Variants in SLC25A15 observed in about 807,000 individuals in gnomAD.
SLC25A15 encodes solute carrier family 25 member 15.
In SLC25A15, 24 loss-of-function variants were observed where a neutral mutation model predicts 32.3. The ratio of observed to expected loss-of-function variants is 0.74; its 90% CI spans 0.54 to 1.04. SLC25A15 has a LOEUF of 1.04. Ranked by LOEUF, SLC25A15 falls within the 50% of genes least tolerant of loss-of-function variation. SLC25A15 has a pLI of 0.00. For missense variants in SLC25A15, 317 were observed against 374.5 expected, an observed-to-expected ratio of 0.85 and a Z score of 1.27; for synonymous variants, 132 against 142.1, an observed-to-expected ratio of 0.93 and a Z score of 0.51.
Position 40,799,114 on chromosome 13 carries a change from A to C in SLC25A15, c.113A>C (p.Gln38Pro). The C allele has an allele frequency of 6.2e-7, 1 of 1,614,192 alleles. No homozygotes were observed. Among genetic ancestry groups the C allele is most frequent in the South Asian group, 1.1e-5 (1 of 91,078 alleles). Residue 38 changes from glutamine to proline, a missense_variant, in exon 3 of 7, where the codon CAG becomes CCG. Transcript: ENST00000338625. ...QPFDTMKVKM[Q>P]TFPDLYRGLT... ...TTTGACACAATGAAAGTGAAGATGC[A>C]GACGTTCCCTGACCTGTACCGGGGC... is the stretch of plus-strand genomic sequence containing the variant.
At position 40,810,024 on chromosome 13, in the gene SLC25A15, A is replaced by T. The variant is rs1882380389; in HGVS notation, c.*357A>T. On this transcript the variant is annotated 3_prime_UTR_variant, in exon 7 of 7. Transcript: ENST00000338625. Reference sequence around the variant, plus strand: ...GACAGTTATGTGTTGAGGGAAATACAGTTTGGTACCTTGTTTATTTCAAAT... The same window carrying T: ...GACAGTTATGTGTTGAGGGAAATACTGTTTGGTACCTTGTTTATTTCAAAT... 3.2e-6 allele frequency: 1 copy of T among 312,852 alleles called. No individual in the cohort carries two copies. Among genetic ancestry groups the T allele is most frequent in the Non-Finnish European group, 6.2e-6 (1 of 162,310 alleles). The allele number at this position is 312,852 out of a possible 1,614,324, so 19.4% of individuals were successfully genotyped here. A position where few individuals can be genotyped will look rare whatever the true frequency, so the allele number is the denominator to read the frequency against.
rs907167966 is a variant in SLC25A15, at chr13:40,809,645, T to C, written c.884T>C (p.Met295Thr). ...TACGAATATAGCAGGAAGTTGATGA[T>C]GAACCAGTTGGAAGCATACTGAAGT... The part of the protein sequence containing the change: ...LAYEYSRKLM[M>T]NQLEAY The change falls in exon 7 of 7, where the codon ATG becomes ACG. Residue 295 changes from methionine (M) to threonine (T), a missense_variant. By Grantham distance (81) the Met-to-Thr change is moderately conservative. Transcript: ENST00000338625. 3 of 1,613,096 alleles carry C rather than the reference T, an allele frequency of 1.9e-6. No homozygotes were observed. The African/African-American group carries it at 4.0e-5, about 22-fold the overall frequency.
intron 1 of SLC25A15, among the ~76,000 whole-genome samples, 181 bp downstream of exon 1, chr13:40,789,844 C>T (rs950550510): frequency 2.6e-5 from 4 of 152,126 alleles, no homozygotes; most frequent in African/African-American, 9.7e-5. Flanking sequence ...GGTTGTCGGC[C>T]TCCTTCCTGC....
intron 1 of SLC25A15, among the ~76,000 whole-genome samples, chr13:40,790,884 G>T (rs906612993): frequency 5.3e-5 from 8 of 152,190 alleles, no homozygotes; most frequent in Admixed American, 1.3e-4. Context: ...ACTGTGCCTG[G>T]CCTATTTGTA....
intron 1 of SLC25A15, among the ~76,000 whole-genome samples, chr13:40,791,033 C>G (rs1881466502): frequency 6.6e-6 from 1 of 151,876 alleles, no homozygotes; most frequent in Non-Finnish European, 1.5e-5. Flanking sequence ...TGAGGTTTAT[C>G]TAGGAGGCCA....
chr13:40,811,561 CTG>C lies in SLC25A15; in HGVS notation c.*1895_*1896del, dbSNP rs1417234092. Among the ~76,000 whole-genome samples, 2 of 152,132 alleles carry C rather than the reference CTG, an allele frequency of 1.3e-5. No individual in the cohort carries two copies. The highest frequency in any genetic ancestry group is 2.4e-5 in the African/African-American group (1 of 41,422). Reference sequence around the variant, plus strand: ...TATGTATTCACTGACCAAAAATTCACTGACCAACCAACCAAACTCCACACTTC... The same window carrying C: ...TATGTATTCACTGACCAAAAATTCACACCAACCAACCAAACTCCACACTTC... On this transcript the variant is annotated 3_prime_UTR_variant, in exon 7 of 7. Coordinates refer to ENST00000338625, the MANE Select transcript of SLC25A15 (RefSeq NM_014252.4).
chr13:40,792,535 C>G (rs369864321), intron 1 of SLC25A15, among the ~76,000 whole-genome samples: 15 of 152,330 alleles, frequency 9.8e-5, no homozygotes, highest in African/African-American at 3.6e-4. Flanking sequence ...ACACATGATG[C>G]TTGTGCACGG....
At chr13:40,799,500 A>T (rs1242298555) in intron 3 of SLC25A15, among the ~76,000 whole-genome samples, 185 bp downstream of exon 3, 2 of 151,184 alleles carry the variant, frequency 1.3e-5, no homozygotes, top group African/African-American at 2.4e-5. Flanking sequence ...AAAAAATAAA[A>T]ATTAAAAAAA....
rs370879659 is a variant in SLC25A15 at position 40,802,999 on chromosome 13, C to T, written c.315-2119C>T. Among the ~76,000 whole-genome samples, 10 of 152,126 alleles carry T rather than the reference C, an allele frequency of 6.6e-5. 1 individual carries two copies. The East Asian group carries it at 1.7e-3, about 26-fold the overall frequency. On this transcript the variant is annotated intron_variant, in intron 3 of 6. Coordinates refer to ENST00000338625, the MANE Select transcript of SLC25A15 (RefSeq NM_014252.4). ...TGGAAATCTCTGAGGGTGATCTTGGCTGTCCAGTGAGAGCATGATGCTGGC... is the reference window on the plus strand; with the variant it reads ...TGGAAATCTCTGAGGGTGATCTTGGTTGTCCAGTGAGAGCATGATGCTGGC...
intron 3 of SLC25A15, among the ~76,000 whole-genome samples, chr13:40,803,645 A>C (rs200210553): frequency 6.6e-6 from 1 of 152,106 alleles, no homozygotes; most frequent in East Asian, 1.9e-4. Context: ...TAGCAATTTC[A>C]CCTAATACCA....
intron 5 of SLC25A15, among the ~76,000 whole-genome samples, chr13:40,807,941 C>T (rs888320458): frequency 1.3e-5 from 2 of 152,202 alleles, no homozygotes; most frequent in African/African-American, 4.8e-5. Flanking sequence ...TACCATCTCC[C>T]TCAGTGTGTG....
intron 3 of SLC25A15, 139 bp from the exon 4 acceptor site, chr13:40,804,979 C>A: frequency 1.0e-6 from 1 of 962,120 alleles, no homozygotes. Context: ...CCACCTCAGT[C>A]TCCTAAGTAG....
chr13:40,804,152 A>C (rs1023444287), intron 3 of SLC25A15, among the ~76,000 whole-genome samples: 5 of 152,088 alleles, frequency 3.3e-5, no homozygotes, highest in East Asian at 1.9e-4. Flanking sequence ...CTTAATTTGA[A>C]CATAGCCGTC....
chr13:40,807,309 C>G lies in SLC25A15; in HGVS notation c.468C>G (p.Val156=). ...IAKSQNTVWS[V]IKSILRKDGP... is the part of the protein sequence containing the mutation. Reference sequence around the variant, plus strand: ...CTCCTCCCAGTACAGTGTGGTCTGTCATCAAAAGTATTCTTAGGAAAGATG... The same window carrying G: ...CTCCTCCCAGTACAGTGTGGTCTGTGATCAAAAGTATTCTTAGGAAAGATG... Residue 156 remains valine (V), a synonymous_variant, in exon 5 of 7, where the codon GTC becomes GTG. Transcript: ENST00000338625. 1 of 1,614,084 alleles carries G rather than the reference C, an allele frequency of 6.2e-7. No individual in the cohort carries two copies. Among genetic ancestry groups the G allele is most frequent in the South Asian group, 1.1e-5 (1 of 91,064 alleles).
intron 2 of SLC25A15, chr13:40,798,686 T>G: frequency 1.3e-6 from 1 of 795,740 alleles, no homozygotes; most frequent in Non-Finnish European, 1.5e-6. Context: ...GCTAACCCTG[T>G]GAGGTGGCAT....
In SLC25A15 at chr13:40,808,806, G is replaced by A. The variant is rs190958046; in HGVS notation, c.781+210G>A. ...AAAAATCAGCCAGGCGTGGTGGCAG[G>A]CACCTGTAGTCCCAGCTACTCGGGA... On this transcript the variant is annotated intron_variant, in intron 6 of 6. Coordinates refer to ENST00000338625, the MANE Select transcript of SLC25A15 (RefSeq NM_014252.4). 8.7e-3 allele frequency among the ~76,000 whole-genome samples: 1,328 copies of A among 151,912 alleles called. 15 individuals carry two copies. Among genetic ancestry groups the A allele is most frequent in the Admixed American group, 0.021 (313 of 15,252 alleles).
chr13:40,795,558 TG>T (rs1482090861), intron 2 of SLC25A15, among the ~76,000 whole-genome samples: 1 of 152,156 alleles, frequency 6.6e-6, no homozygotes, highest in African/African-American at 2.4e-5. Flanking sequence ...TTTCCCCCTG[TG>T]CTGGCGACAC....
At position 40,789,638 on chromosome 13, in the gene SLC25A15, C is replaced by G. The variant is rs540752397; in HGVS notation, c.-95C>G. 1 of 150,924 alleles carries G rather than the reference C, an allele frequency of 6.6e-6. No individual in the cohort carries two copies. The highest frequency in any genetic ancestry group is 1.5e-5 in the Non-Finnish European group (1 of 67,570). 9.3% of individuals were successfully genotyped at this position (150,924 alleles called of 1,614,324 possible). On this transcript the variant is annotated 5_prime_UTR_variant, in exon 1 of 7. Transcript: ENST00000338625. ...CCGAGAGCGGGCGGCGGAGCCTGAG[C>G]TGGACGCGGCCACGCCGGCGCGGCG... is the stretch of plus-strand genomic sequence containing the variant.
intron 4 of SLC25A15, 57 bp from the exon 5 acceptor site, chr13:40,807,237 G>T (rs978299443): frequency 1.3e-6 from 2 of 1,545,764 alleles, no homozygotes; most frequent in African/African-American, 2.7e-5. Context: ...AAATGCCCTT[G>T]TCTTTTCTTC....
Sources: allele counts gnomAD v4.1 joint callset (sites outside exome capture counted in the v4.1 genomes callset), GRCh38; gene constraint gnomAD v4.1.1; transcripts MANE v1.5; gene names NCBI Gene and HGNC (gene_info 2026-07-23, HGNC 2026-07-21).